The following TRRAP variants were observed in gnomAD, a reference collection of about 807,000 sequenced individuals.
TRRAP encodes the protein transformation/transcription domain associated protein.
In TRRAP, 41 loss-of-function variants were observed where a neutral mutation model predicts 438.8. That is an observed-to-expected ratio of 0.09 (90% CI 0.07 to 0.12). The LOEUF is 0.12. TRRAP is among the 10% of genes least tolerant of loss of function. The pLI, the probability that TRRAP is intolerant of heterozygous loss-of-function variation, is 1.00. For synonymous variants in TRRAP, 1,994 were observed against 1,962.9 expected (o/e 1.02, Z -0.42); for missense variants, 3,122 against 5,055.1 (o/e 0.62, Z 11.60).
At chr7:98,951,036 T>C in intron 39 of TRRAP, 32 bp downstream of exon 39, 7 of 1,533,350 alleles carry the variant, frequency 4.6e-6, no homozygotes, top group Non-Finnish European at 6.1e-6. Flanking sequence ...GTGTGAGAAG[T>C]AGCCTGGCAT....
intron 28 of TRRAP, among the ~76,000 whole-genome samples, chr7:98,935,951 C>T (rs1284778941): frequency 6.6e-6 from 1 of 152,148 alleles, no homozygotes; most frequent in African/African-American, 2.4e-5. Context: ...AAAGGATTGT[C>T]GTATCATTCA....
Position 98,931,582 on chromosome 7 carries a change from A to C in TRRAP, c.3769A>C (p.Arg1257=). ...REVTSPNSTV[R]KQAMHSLQVL... The stretch of plus-strand genomic sequence containing the variant: ...AGTCACCTCTCCAAACTCCACTGTG[A>C]GGAAGCAGGCCATGCATTCGCTGCA... Residue 1257 remains arginine (R), a synonymous_variant, in exon 26 of 73, where the codon AGG becomes CGG. Coordinates refer to ENST00000456197, the MANE Select transcript of TRRAP (RefSeq NM_001375524.1). The C allele has an allele frequency of 6.2e-7, 1 of 1,614,248 alleles. No homozygotes were observed.
chr7:99,008,165 G>A (rs1171370600), intron 69 of TRRAP, among the ~76,000 whole-genome samples: 1 of 152,178 alleles, frequency 6.6e-6, no homozygotes, highest in East Asian at 1.9e-4. Context: ...ATTTCTGTTT[G>A]TGGACACAAG....
chr7:98,982,646 T>C (rs1386135077), intron 59 of TRRAP, among the ~76,000 whole-genome samples: 1 of 152,152 alleles, frequency 6.6e-6, no homozygotes, highest in Non-Finnish European at 1.5e-5. Context: ...TTGGATAGGC[T>C]GAGGATTGTG....
chr7:99,002,868 A>C (rs1286115778), intron 67 of TRRAP, among the ~76,000 whole-genome samples: 1 of 152,192 alleles, frequency 6.6e-6, no homozygotes, highest in Non-Finnish European at 1.5e-5. Context: ...AGGCCACTTG[A>C]ATAGCTGGGT....
At chr7:98,903,789 G>T (rs1217744631) in intron 12 of TRRAP, among the ~76,000 whole-genome samples, 1 of 152,130 alleles carries the variant, frequency 6.6e-6, no homozygotes, top group African/African-American at 2.4e-5. Flanking sequence ...GGCTGGGGAG[G>T]CCTCACAGTC....
In TRRAP at chr7:98,902,780, T is replaced by C. The variant is rs546169039; in HGVS notation, c.898-599T>C. ...TTAATGGGATGACTAAGTAAACAAG[T>C]AATTACCTTAAAAAAAATCTTAGAA... is the stretch of plus-strand genomic sequence containing the variant. On this transcript the variant is annotated intron_variant, in intron 11 of 72. Coordinates refer to ENST00000456197, the MANE Select transcript of TRRAP (RefSeq NM_001375524.1). 2.2e-3 allele frequency among the ~76,000 whole-genome samples: 332 copies of C among 151,834 alleles called. 1 individual carries two copies. Among genetic ancestry groups the C allele is most frequent in the Middle Eastern group, 0.01 (3 of 292 alleles).
intron 2 of TRRAP, 123 bp from the exon 3 acceptor site, chr7:98,881,852 G>C: frequency 9.6e-7 from 1 of 1,039,486 alleles, no homozygotes; most frequent in Admixed American, 2.6e-5. Flanking sequence ...CCTTCTATTA[G>C]GCCATGACAG....
rs1792194537 is a variant in TRRAP, at chr7:98,967,178, A to G, written c.7298+16A>G. ...ATGTCTACAGGTAATTACAGCAATT[A>G]ATCAAGTACTACATATATTGGTCCT... is the stretch of plus-strand genomic sequence containing the variant. On this transcript the variant is annotated intron_variant, in intron 50 of 72. Coordinates refer to ENST00000456197, the MANE Select transcript of TRRAP (RefSeq NM_001375524.1). 1.9e-6 allele frequency: 3 copies of G among 1,611,612 alleles called. No homozygotes were observed. In the African/African-American group the frequency reaches 4.0e-5, roughly 22 times the overall value.
intron 1 of TRRAP, among the ~76,000 whole-genome samples, chr7:98,879,098 G>C (rs1204001681): frequency 6.6e-6 from 1 of 152,192 alleles, no homozygotes; most frequent in Non-Finnish European, 1.5e-5. Flanking sequence ...CGACCACAGC[G>C]CCCCCTCTGG....
At position 99,011,957 on chromosome 7, in the gene TRRAP, TG is replaced by T; in HGVS notation, c.11338-112del. 1 of 1,357,116 alleles carries T rather than the reference TG, an allele frequency of 7.4e-7. No individual in the cohort carries two copies. The highest frequency in any genetic ancestry group is 1.0e-6 in the Non-Finnish European group (1 of 996,766). The allele number at this position is 1,357,116 out of a possible 1,614,324, so 84.1% of individuals were successfully genotyped here. On this transcript the variant is annotated intron_variant, in intron 72 of 72. Transcript: ENST00000456197. The surrounding 1 kb of genome is among the most constrained non-coding windows in gnomAD (Gnocchi z 7.1). ...GCCTGGCCTGGTGCTGAAACTCGAC[TG>T]GCCCTTGGTGGCCCTGAGCGGCCGC...
In TRRAP at chr7:98,994,856, T is replaced by A. The variant is rs199537476; in HGVS notation, c.10309+8T>A. On this transcript the variant is annotated splice_region_variant and intron_variant, in intron 67 of 72. Transcript: ENST00000456197. This position sits in a 1 kb window ranked among gnomAD's most constrained non-coding sequence, Gnocchi z 4.8. ...AAGGCCAGTTCACGACGGGTGAGTC[T>A]CCATTTTCCTTCCCTTCCATAGGGA... 6.2e-7 allele frequency: 1 copy of A among 1,605,940 alleles called. No individual in the cohort carries two copies. The highest frequency in any genetic ancestry group is 1.7e-5 in the Admixed American group (1 of 59,842).
intron 28 of TRRAP, among the ~76,000 whole-genome samples, chr7:98,936,855 A>G (rs149214704): frequency 1.3e-5 from 2 of 152,180 alleles, no homozygotes; most frequent in Admixed American, 6.5e-5. Context: ...GACCATGTGT[A>G]CTTTTGTCTT....
intron 66 of TRRAP, 29 bp downstream of exon 66, chr7:98,993,766 G>T: frequency 6.2e-7 from 1 of 1,609,596 alleles, no homozygotes; most frequent in Non-Finnish European, 8.5e-7. Flanking sequence ...GCACATGGTG[G>T]CTCCTTGTAG....
chr7:98,918,796 C>T (rs1262065573), intron 20 of TRRAP, among the ~76,000 whole-genome samples: 5 of 152,000 alleles, frequency 3.3e-5, no homozygotes, highest in African/African-American at 1.2e-4. Context: ...TGGCTCACGC[C>T]TGTAATCCCA....
At chr7:98,909,133 C>T (rs1193787744) in intron 14 of TRRAP, among the ~76,000 whole-genome samples, 171 bp downstream of exon 14, 1 of 151,428 alleles carries the variant, frequency 6.6e-6, no homozygotes, top group Non-Finnish European at 1.5e-5. Context: ...AAGTGATTCT[C>T]ATGCCTCAGC....
intron 19 of TRRAP, among the ~76,000 whole-genome samples, chr7:98,916,198 T>G (rs1209997288): frequency 6.6e-5 from 10 of 152,086 alleles, no homozygotes; most frequent in African/African-American, 2.4e-4. Flanking sequence ...GTCTAGAAAA[T>G]GATTTCTAGT....
chr7:98,999,908 T>G (rs1181650468), intron 67 of TRRAP: 3 of 344,890 alleles, frequency 8.7e-6, no homozygotes, highest in Non-Finnish European at 1.6e-5. Context: ...CCTCCTGAGC[T>G]TCTCAGTCTT....
chr7:98,920,871 C>T (rs1789757102), intron 20 of TRRAP, among the ~76,000 whole-genome samples: 1 of 152,254 alleles, frequency 6.6e-6, no homozygotes, highest in East Asian at 1.9e-4. Flanking sequence ...TGAAGTTTCG[C>T]TCTTGTTGCC....
Sources: gnomAD v4.1 joint callset for allele counts (sites outside exome capture counted in the v4.1 genomes callset) on GRCh38, gnomAD v4.1.1 for gene constraint, Gnocchi (gnomAD v3.1) non-coding constraint, MANE v1.5 for transcripts, NCBI Gene and HGNC (gene_info 2026-07-23, HGNC 2026-07-21) for gene names.